Variants in ARPC1A observed in about 807,000 individuals in gnomAD.
ARPC1A encodes actin-related protein 2/3 complex subunit 1A.
A neutral mutation model predicts 46.9 loss-of-function variants in ARPC1A; 8 were observed. That is an observed-to-expected ratio of 0.17 (90% confidence interval 0.10 to 0.31). The LOEUF (loss-of-function observed/expected upper bound fraction) is 0.31. Among genes scored for constraint, ARPC1A ranks in the 10% least tolerant of loss-of-function variants. ARPC1A has a pLI of 1.00. For synonymous variants in ARPC1A, 152 were observed against 169.0 expected, an observed-to-expected ratio of 0.90 and a Z score of 0.78; for missense variants, 286 against 483.6, an observed-to-expected ratio of 0.59 and a Z score of 3.83.
At chr7:99,345,915 G>A (rs930601941) in intron 4 of ARPC1A, among the ~76,000 whole-genome samples, 4 of 152,014 alleles carry the variant, frequency 2.6e-5, no homozygotes, top group African/African-American at 7.2e-5. Flanking sequence ...GGGAATTTGC[G>A]GTAAAATTGA....
At chr7:99,340,474 TG>T (rs60844693) in intron 3 of ARPC1A, among the ~76,000 whole-genome samples, 152,063 of 152,254 alleles carry the variant, frequency 1, 75,937 homozygotes, top group Middle Eastern at 1. Context: ...GACAGGGTCT[TG>T]GCTCTGTTGC....
At chr7:99,340,494 C>T (rs1793339804) in intron 3 of ARPC1A, among the ~76,000 whole-genome samples, 2 of 151,962 alleles carry the variant, frequency 1.3e-5, no homozygotes, top group Non-Finnish European at 2.9e-5. Context: ...GCCCAGTCAC[C>T]CAGGCTAGAA....
intron 8 of ARPC1A, among the ~76,000 whole-genome samples, chr7:99,360,582 C>A (rs915700763): frequency 6.6e-6 from 1 of 152,138 alleles, no homozygotes; most frequent in Non-Finnish European, 1.5e-5. Flanking sequence ...CCACCTCAGC[C>A]TCCCAAATTG....
chr7:99,362,686 A>T (rs767450218), intron 8 of ARPC1A, among the ~76,000 whole-genome samples: 1 of 151,682 alleles, frequency 6.6e-6, no homozygotes, highest in African/African-American at 2.4e-5. Context: ...CTGTACGGGC[A>T]TAGGCAGTGT....
At position 99,359,522 on chromosome 7, in the gene ARPC1A, GGACT is replaced by G. The variant is rs1416308161; in HGVS notation, c.790-16_790-13del. The G allele has an allele frequency of 1.2e-6, 2 of 1,613,052 alleles. No individual in the cohort carries two copies. The highest frequency in any genetic ancestry group is 1.7e-5 in the Admixed American group (1 of 59,952). ...GGGCGGTGGGCAGTGCATCCTCCAG[GGACT>G]GACTGAGTCTTGTTTCAGGGCCATG... On this transcript the variant is annotated intron_variant, in intron 7 of 9. Coordinates refer to ENST00000262942, the MANE Select transcript of ARPC1A (RefSeq NM_006409.4).
intron 6 of ARPC1A, among the ~76,000 whole-genome samples, chr7:99,356,536 C>G (rs1173820291): frequency 1.3e-5 from 2 of 149,476 alleles, no homozygotes; most frequent in African/African-American, 2.5e-5. Context: ...ACCCAGCAGG[C>G]AGAGGTTGCA....
intron 3 of ARPC1A, among the ~76,000 whole-genome samples, chr7:99,339,402 A>C (rs774957434): frequency 1.6e-4 from 25 of 152,098 alleles, no homozygotes; most frequent in Non-Finnish European, 1.9e-4. Context: ...GGTGGCATGC[A>C]CCTGTGGTCC....
At chr7:99,360,176 G>A (rs1793715317) in intron 8 of ARPC1A, 1 of 195,988 alleles carries the variant, frequency 5.1e-6, no homozygotes. Flanking sequence ...GTCGTTTCAA[G>A]TAATGGATAC....
chr7:99,354,201 G>A, intron 6 of ARPC1A, 80 bp downstream of exon 6: 4 of 1,495,806 alleles, frequency 2.7e-6, no homozygotes, highest in Non-Finnish European at 3.6e-6. Context: ...TGCCCTTCCT[G>A]GGGTGTTAGC....
chr7:99,346,725 A>G (rs981062885), intron 4 of ARPC1A, among the ~76,000 whole-genome samples: 1 of 152,222 alleles, frequency 6.6e-6, no homozygotes, highest in Admixed American at 6.5e-5. Flanking sequence ...CACGCCTGCA[A>G]TCCCAGCACT....
intron 3 of ARPC1A, among the ~76,000 whole-genome samples, chr7:99,340,207 G>A (rs971497298): frequency 6.6e-6 from 1 of 152,084 alleles, no homozygotes; most frequent in Non-Finnish European, 1.5e-5. Flanking sequence ...CTGTCGTCTA[G>A]GCTGAAATGG....
chr7:99,364,601 C>T (rs1230365866), intron 9 of ARPC1A, among the ~76,000 whole-genome samples: 2 of 151,926 alleles, frequency 1.3e-5, no homozygotes, highest in Non-Finnish European at 2.9e-5. Context: ...AAAAGTCATC[C>T]GCAGAAGAAC....
chr7:99,344,487 G>A lies in ARPC1A; in HGVS notation c.364G>A (p.Val122Ile). Residue 122 changes from valine to isoleucine, a missense_variant, in exon 4 of 10, where the codon GTT becomes ATT. Around this residue, in one of 5 missense-constraint regions of ARPC1A, gnomAD observed 38 missense variants for 95.8 expected, o/e 0.40. Transcript: ENST00000262942. Reference protein sequence around the residue: ...AVGSGARLISVCYFESENDWW... With the variant: ...AVGSGARLISICYFESENDWW... ...GGGAAGTGGAGCACGACTCATTTCTGTTTGTTACTTTGAGTCTGAAAATGA... is the reference window on the plus strand; with the variant it reads ...GGGAAGTGGAGCACGACTCATTTCTATTTGTTACTTTGAGTCTGAAAATGA... 6.2e-7 allele frequency: 1 copy of A among 1,613,948 alleles called. No individual in the cohort carries two copies.
chr7:99,335,135 C>T (rs1562796480), intron 2 of ARPC1A, among the ~76,000 whole-genome samples: 2 of 151,808 alleles, frequency 1.3e-5, no homozygotes, highest in Non-Finnish European at 1.5e-5. Flanking sequence ...TAAGCCACTG[C>T]GCCCGGCCCA....
At chr7:99,361,344 A>G (rs1383799908) in intron 8 of ARPC1A, among the ~76,000 whole-genome samples, 5 of 152,044 alleles carry the variant, frequency 3.3e-5, no homozygotes, top group Non-Finnish European at 7.4e-5. Flanking sequence ...CTCTACAAAA[A>G]AATTTTTAAG....
chr7:99,356,789 A>G (rs776301912), intron 6 of ARPC1A, among the ~76,000 whole-genome samples: 3 of 152,016 alleles, frequency 2.0e-5, no homozygotes, highest in South Asian at 2.1e-4. Flanking sequence ...AGTCCCAGCT[A>G]CTCGGGAGGC....
At chr7:99,347,635 C>T (rs1793477170) in intron 4 of ARPC1A, among the ~76,000 whole-genome samples, 2 of 151,952 alleles carry the variant, frequency 1.3e-5, no homozygotes, top group East Asian at 1.9e-4. Context: ...ACACAGGAGG[C>T]AGAGGTTGCA....
intron 8 of ARPC1A, 99 bp downstream of exon 8, chr7:99,359,837 G>A (rs1228285187): frequency 7.5e-7 from 1 of 1,336,844 alleles, no homozygotes; most frequent in Non-Finnish European, 1.0e-6. Context: ...TGCCCCTCAG[G>A]CCCAGACATT....
chr7:99,345,613 G>A (rs1020536278), intron 4 of ARPC1A, among the ~76,000 whole-genome samples: 4 of 151,702 alleles, frequency 2.6e-5, no homozygotes, highest in Admixed American at 6.6e-5. Context: ...AGCCAAGATC[G>A]TGCCACTGCA....
Sources: gnomAD v4.1 joint callset for allele counts (sites outside exome capture counted in the v4.1 genomes callset) on GRCh38, gnomAD v4.1.1 for gene constraint, gnomAD v4.1.1 regional missense constraint, MANE v1.5 for transcripts, NCBI Gene and HGNC (gene_info 2026-07-23, HGNC 2026-07-21) for gene names.